The following PIK3CB variants were observed in gnomAD, a reference collection of about 807,000 sequenced individuals.
The protein encoded by PIK3CB is phosphatidylinositol-4,5-bisphosphate 3-kinase catalytic subunit beta.
A neutral mutation model predicts 136.8 loss-of-function variants in PIK3CB; 39 were observed. That is an observed-to-expected ratio of 0.29 (90% CI 0.22 to 0.37). The LOEUF (loss-of-function observed/expected upper bound fraction) is 0.37. Ranked by LOEUF, PIK3CB falls within the 10% of genes least tolerant of loss-of-function variation. The probability of loss-of-function intolerance (pLI) is 1.00; values close to 1 mark genes in which losing one functional copy is unlikely to be tolerated. For synonymous variants in PIK3CB, 428 were observed against 436.6 expected (o/e 0.98, Z 0.25); for missense variants, 868 against 1,275.4 (o/e 0.68, Z 4.87).
intron 2 of PIK3CB, among the ~76,000 whole-genome samples, chr3:138,794,243 G>C (rs776215568): frequency 6.6e-6 from 1 of 152,152 alleles, no homozygotes; most frequent in Non-Finnish European, 1.5e-5. Flanking sequence ...GGTTACAGGC[G>C]TGAGTCACAG....
intron 3 of PIK3CB, among the ~76,000 whole-genome samples, chr3:138,757,884 T>C (rs1355659015): frequency 6.6e-6 from 1 of 152,192 alleles, no homozygotes; most frequent in Non-Finnish European, 1.5e-5. Flanking sequence ...GAATTACCAC[T>C]GTGAACCAAC....
At chr3:138,686,959 G>A (rs2043907300) in intron 16 of PIK3CB, among the ~76,000 whole-genome samples, 1 of 152,062 alleles carries the variant, frequency 6.6e-6, no homozygotes, top group Non-Finnish European at 1.5e-5. Context: ...CTGGTGACAA[G>A]GCAACCAGAT....
intron 7 of PIK3CB, among the ~76,000 whole-genome samples, chr3:138,733,867 G>A (rs971800199): frequency 5.9e-5 from 9 of 151,670 alleles, no homozygotes; most frequent in African/African-American, 1.9e-4. Context: ...GACAGAGCAA[G>A]ACTCTGTCTC....
Position 138,699,047 on chromosome 3 carries a change from T to C in PIK3CB, c.1630A>G (p.Arg544Gly), listed in dbSNP as rs2108530964. 2.5e-6 allele frequency: 4 copies of C among 1,595,860 alleles called. No individual in the cohort carries two copies. The highest frequency in any genetic ancestry group is 1.1e-5 in the South Asian group (1 of 88,606). Residue 544 changes from arginine (R) to glycine (G), a missense_variant, in exon 13 of 24, where the codon AGG becomes GGG. Arg to Gly is a moderately radical substitution (Grantham distance 125, BLOSUM62 -2). This residue lies in a region of PIK3CB where 612 missense variants were observed against 801.1 expected (regional missense o/e 0.76). Coordinates refer to ENST00000674063, the MANE Select transcript of PIK3CB (RefSeq NM_006219.3). ...TCACACAGTTGAGACAAGGGATCCC[T>C]GTCCAAGATTTCTTTCAATACAGGA... ...FLPVLKEILD[R>G]DPLSQLCENE...
At chr3:138,813,845 G>A (rs1259323862) in intron 1 of PIK3CB, among the ~76,000 whole-genome samples, 1 of 152,104 alleles carries the variant, frequency 6.6e-6, no homozygotes, top group Admixed American at 6.6e-5. Context: ...AATTAGATAT[G>A]AGCATTCCAA....
chr3:138,807,794 A>G (rs1413624116), intron 1 of PIK3CB, among the ~76,000 whole-genome samples: 3 of 151,782 alleles, frequency 2.0e-5, no homozygotes, highest in African/African-American at 7.3e-5. Flanking sequence ...TTGAGATGCT[A>G]TGGTGGAAGG....
chr3:138,750,177 C>T (rs935514097), intron 4 of PIK3CB, among the ~76,000 whole-genome samples: 14 of 152,126 alleles, frequency 9.2e-5, no homozygotes, highest in Non-Finnish European at 1.5e-4. Flanking sequence ...CCAAGCTCGG[C>T]CAATGTGATG....
intron 12 of PIK3CB, 69 bp from the exon 13 acceptor site, chr3:138,699,164 A>G: frequency 2.3e-6 from 1 of 427,978 alleles, no homozygotes; most frequent in Non-Finnish European, 3.9e-6. Flanking sequence ...CAGTAAATTT[A>G]TATATATTTA....
intron 19 of PIK3CB, among the ~76,000 whole-genome samples, chr3:138,680,907 T>C (rs78182114): frequency 0.022 from 3,272 of 151,610 alleles, 63 homozygotes; most frequent in South Asian, 0.067. Flanking sequence ...AGGCTGGTCG[T>C]GAACTCGGGA....
chr3:138,705,181 C>CAAAAAAAAAAAAAAAAAAA (rs1277322816), intron 11 of PIK3CB, among the ~76,000 whole-genome samples: 1 of 58,528 alleles, frequency 1.7e-5, no homozygotes, highest in Non-Finnish European at 2.9e-5. Context: ...AAACAAAAAA[C>CAAAAAAAAAAAAAAAAAAA]AAAACAAACA....
At chr3:138,797,488 T>G (rs2046121921) in intron 1 of PIK3CB, among the ~76,000 whole-genome samples, 1 of 152,156 alleles carries the variant, frequency 6.6e-6, no homozygotes, top group Non-Finnish European at 1.5e-5. Context: ...TTACAATTAT[T>G]TTTCCCAAAA....
At chr3:138,826,162 A>G in intron 1 of PIK3CB, 1 of 1,078,160 alleles carries the variant, frequency 9.3e-7, no homozygotes. Flanking sequence ...ATGGTTCCTG[A>G]CAAGCCGATG....
intron 2 of PIK3CB, chr3:138,769,987 C>A (rs2045780668): frequency 6.6e-6 from 1 of 152,188 alleles, no homozygotes; most frequent in Non-Finnish European, 1.5e-5. Flanking sequence ...AAGCAATTAG[C>A]ATAATTTTCC....
Position 138,793,389 on chromosome 3 carries a change from C to T in PIK3CB, c.-17+3074G>A, listed in dbSNP as rs558658700. On this transcript the variant is annotated intron_variant, in intron 2 of 23. Coordinates refer to ENST00000674063, the MANE Select transcript of PIK3CB (RefSeq NM_006219.3). ...GGGAGGCCGAGGGGGGCGGATCCCG[C>T]GAGGTGAGGAGTTTGAGACCAGCCC... 2.0e-3 allele frequency among the ~76,000 whole-genome samples: 300 copies of T among 150,082 alleles called. 2 individuals carry two copies. The highest frequency in any genetic ancestry group is 7.0e-3 in the African/African-American group (287 of 40,944).
chr3:138,694,767 A>G lies in PIK3CB; in HGVS notation c.1892+19T>C. 1.2e-6 allele frequency: 2 copies of G among 1,609,874 alleles called. No individual in the cohort carries two copies. Among genetic ancestry groups the G allele is most frequent in the Non-Finnish European group, 8.5e-7 (1 of 1,178,162 alleles). On this transcript the variant is annotated intron_variant, in intron 14 of 23. Coordinates refer to ENST00000674063, the MANE Select transcript of PIK3CB (RefSeq NM_006219.3). The stretch of plus-strand genomic sequence containing the variant: ...CCAAGTTATTCCTTGCCCCAAAGAA[A>G]ACCACCTGCAGAAGATACCTCATCT...
intron 21 of PIK3CB, among the ~76,000 whole-genome samples, chr3:138,662,941 A>C (rs1179894967): frequency 6.6e-6 from 1 of 152,214 alleles, no homozygotes; most frequent in Admixed American, 6.5e-5. Flanking sequence ...CGTTAGACCT[A>C]AAACCATAAA....
chr3:138,742,087 G>A (rs1318279520), intron 5 of PIK3CB, among the ~76,000 whole-genome samples: 1 of 152,096 alleles, frequency 6.6e-6, no homozygotes, highest in South Asian at 2.1e-4. Context: ...CATTTCTACC[G>A]ATGGGGGAGA....
In PIK3CB at chr3:138,672,910, GA is replaced by G. The variant is rs748631273; in HGVS notation, c.2505-7708del. Among the ~76,000 whole-genome samples the G allele has an allele frequency of 8.1e-3, 495 of 61,368 alleles. 1 individual carries two copies. The highest frequency in any genetic ancestry group is 0.023 in the African/African-American group (387 of 16,754). The allele number at this position is 61,368 out of a possible 152,430, so 40.3% of individuals were successfully genotyped here. On this transcript the variant is annotated intron_variant, in intron 19 of 23. Coordinates refer to ENST00000674063, the MANE Select transcript of PIK3CB (RefSeq NM_006219.3). ...CTGGGTGACAGAGTGAGACTCCGTT[GA>G]AAAAAAAAAAAAAAAAAAAGAGAGA... is the stretch of plus-strand genomic sequence containing the variant.
At chr3:138,770,241 G>A (rs918877252) in intron 2 of PIK3CB, 1 of 152,108 alleles carries the variant, frequency 6.6e-6, no homozygotes, top group Non-Finnish European at 1.5e-5. Flanking sequence ...CCCATATCCT[G>A]TCGATTGTTC....
Sources: allele counts gnomAD v4.1 joint callset (sites outside exome capture counted in the v4.1 genomes callset), GRCh38; gene constraint gnomAD v4.1.1; regional missense constraint gnomAD v4.1.1; transcripts MANE v1.5; gene names NCBI Gene and HGNC (gene_info 2026-07-23, HGNC 2026-07-21).